Variants in EPHA7 observed in about 807,000 individuals in gnomAD.
EPHA7 encodes the protein EPH receptor A7.
Under a neutral mutation model 112.6 loss-of-function variants are expected in EPHA7, and 25 were observed. The ratio of observed to expected loss-of-function variants is 0.22; its 90% CI spans 0.16 to 0.31. The LOEUF (loss-of-function observed/expected upper bound fraction) is 0.31, where lower values mean the gene tolerates loss of function less well. EPHA7 is among the 10% of genes least tolerant of loss of function. EPHA7 has a pLI of 1.00. For missense variants in EPHA7, 962 were observed against 1,212.6 expected (o/e 0.79, Z 3.07); for synonymous variants, 437 against 406.5 (o/e 1.07, Z -0.90).
At chr6:93,386,997 G>A (rs1052877520) in intron 3 of EPHA7, among the ~76,000 whole-genome samples, 1 of 152,052 alleles carries the variant, frequency 6.6e-6, no homozygotes. Context: ...TGCTGTGAAG[G>A]TCTCTGACAT....
In EPHA7 at chr6:93,264,611, G is replaced by A. The variant is rs1209015685; in HGVS notation, c.1725C>T (p.Gly575=). 7 of 1,604,634 alleles carry A rather than the reference G, an allele frequency of 4.4e-6. No homozygotes were observed. The highest frequency in any genetic ancestry group is 6.0e-6 in the Non-Finnish European group (7 of 1,173,856). Residue 575 remains glycine, a synonymous_variant, in exon 8 of 17, where the codon GGC becomes GGT. Coordinates refer to ENST00000369303, the MANE Select transcript of EPHA7 (RefSeq NM_004440.4). Reference sequence around the variant, plus strand: ...TGTTCTACCTTCTCCCAATGATGAAGCCAAAGACCATGAACACCAAAATGA... The same window carrying A: ...TGTTCTACCTTCTCCCAATGATGAAACCAAAGACCATGAACACCAAAATGA... The part of the protein sequence containing the change: ...GTIILVFMVF[G]FIIGRRHCGY...
rs561575454 is a variant in EPHA7 at position 93,242,918 on chromosome 6, T to C, written c.*508A>G. 243 of 217,300 alleles carry C rather than the reference T, an allele frequency of 1.1e-3. 3 individuals are homozygous for C. The highest frequency in any genetic ancestry group is 5.1e-3 in the African/African-American group (227 of 44,568). 13.5% of individuals were successfully genotyped at this position (217,300 alleles called of 1,614,324 possible). ...GAGATTCTTTCAAAGGTACCCAGTG[T>C]AGTAATGTTACAGATTTAACACTAA... On this transcript the variant is annotated 3_prime_UTR_variant, in exon 17 of 17. Transcript: ENST00000369303.
At position 93,243,277 on chromosome 6, in the gene EPHA7, T is replaced by A. The variant is rs1769762249; in HGVS notation, c.*149A>T. 1.9e-6 allele frequency: 1 copy of A among 513,552 alleles called. No homozygotes were observed. The allele number at this position is 513,552 out of a possible 1,614,324, so 31.8% of individuals were successfully genotyped here. On this transcript the variant is annotated 3_prime_UTR_variant, in exon 17 of 17. Transcript: ENST00000369303. Reference sequence around the variant, plus strand: ...ATATATTCTGGTGGCACTTAGGAGTTCAAGTCTATAGGTGCTTCTTAAATC... The same window carrying A: ...ATATATTCTGGTGGCACTTAGGAGTACAAGTCTATAGGTGCTTCTTAAATC...
chr6:93,245,436 A>C lies in EPHA7; in HGVS notation c.2744T>G (p.Leu915Arg). 6.2e-7 allele frequency: 1 copy of C among 1,612,134 alleles called. No individual in the cohort carries two copies. The highest frequency in any genetic ancestry group is 8.5e-7 in the Non-Finnish European group (1 of 1,179,490). ...GTCSRPISPL[L>R]DQNTPDFTTF... ...AGTGAAATCAGGAGTGTTTTGATCC[A>C]GAAGAGGGCTTATTGGCCTAGATAA... The change falls in exon 16 of 17, where the codon CTG (leucine) becomes CGG (arginine). Residue 915 changes from leucine to arginine, a missense_variant. By Grantham distance (102) the Leu-to-Arg change is moderately radical. Transcript: ENST00000369303.
At chr6:93,326,373 T>G (rs543920577) in intron 5 of EPHA7, among the ~76,000 whole-genome samples, 43 of 151,624 alleles carry the variant, frequency 2.8e-4, no homozygotes, top group African/African-American at 9.9e-4. Flanking sequence ...TAAAGAGTGA[T>G]TTTAAATGAA....
intron 3 of EPHA7, among the ~76,000 whole-genome samples, chr6:93,389,759 TA>T (rs1056149871): frequency 6.6e-6 from 1 of 151,900 alleles, no homozygotes; most frequent in Non-Finnish European, 1.5e-5. Context: ...AAAGTTTTCT[TA>T]AAAAAATGAT....
chr6:93,317,944 T>C (rs1339862625), intron 5 of EPHA7, among the ~76,000 whole-genome samples: 1 of 152,156 alleles, frequency 6.6e-6, no homozygotes, highest in African/African-American at 2.4e-5. Flanking sequence ...ATAACTTTCA[T>C]TCTCACCTCA....
chr6:93,332,509 C>T (rs1361689255), intron 5 of EPHA7, among the ~76,000 whole-genome samples: 2 of 151,178 alleles, frequency 1.3e-5, no homozygotes, highest in South Asian at 2.1e-4. Context: ...TTTTTATATG[C>T]AATTTATAGG....
chr6:93,282,013 A>G (rs189009275), intron 5 of EPHA7, among the ~76,000 whole-genome samples: 8 of 152,152 alleles, frequency 5.3e-5, no homozygotes, highest in Admixed American at 5.2e-4. Flanking sequence ...ATATGTCACT[A>G]TGTGCTTAAG....
At chr6:93,283,471 A>C (rs1404351248) in intron 5 of EPHA7, among the ~76,000 whole-genome samples, 2 of 151,822 alleles carry the variant, frequency 1.3e-5, no homozygotes, top group Non-Finnish European at 2.9e-5. Context: ...GCTGCTGCTC[A>C]CTCTTTTGGG....
intron 3 of EPHA7, among the ~76,000 whole-genome samples, chr6:93,362,197 CT>C (rs1562125544): frequency 6.6e-6 from 1 of 151,822 alleles, no homozygotes; most frequent in Non-Finnish European, 1.5e-5. Flanking sequence ...TTTGCTTAGT[CT>C]GTTCTTTAAA....
chr6:93,384,070 G>A (rs926640723), intron 3 of EPHA7, among the ~76,000 whole-genome samples: 1 of 152,068 alleles, frequency 6.6e-6, no homozygotes, highest in Non-Finnish European at 1.5e-5. Flanking sequence ...AGTAAAATAA[G>A]CACACTCAAA....
At chr6:93,301,280 T>C (rs1444426552) in intron 5 of EPHA7, among the ~76,000 whole-genome samples, 1 of 152,202 alleles carries the variant, frequency 6.6e-6, no homozygotes, top group East Asian at 1.9e-4. Context: ...ATGTAATACT[T>C]TGATACAAGT....
chr6:93,291,437 A>G (rs1772357822), intron 5 of EPHA7, among the ~76,000 whole-genome samples: 1 of 152,212 alleles, frequency 6.6e-6, no homozygotes, highest in African/African-American at 2.4e-5. Flanking sequence ...AAAAGCTGCA[A>G]AATTGATTAA....
intron 2 of EPHA7, among the ~76,000 whole-genome samples, chr6:93,413,475 G>T (rs954874816): frequency 4.6e-5 from 7 of 151,858 alleles, no homozygotes; most frequent in African/African-American, 1.7e-4. Context: ...TAGAAAATGG[G>T]CTACATCTGT....
chr6:93,394,566 T>C (rs568169017), intron 3 of EPHA7, among the ~76,000 whole-genome samples: 1 of 151,838 alleles, frequency 6.6e-6, no homozygotes, highest in East Asian at 1.9e-4. Context: ...TAGATACTTG[T>C]CAAAAAAGAA....
At position 93,356,817 on chromosome 6, in the gene EPHA7, G is replaced by C. The variant is rs145928664; in HGVS notation, c.1224C>G (p.His408Gln). 6.2e-7 allele frequency: 1 copy of C among 1,614,134 alleles called. No homozygotes were observed. The highest frequency in any genetic ancestry group is 1.7e-5 in the Admixed American group (1 of 60,012). Residue 408 changes from histidine to glutamine, a missense_variant, in exon 5 of 17, where the codon CAC (histidine) becomes CAG (glutamine). Coordinates refer to ENST00000369303, the MANE Select transcript of EPHA7 (RefSeq NM_004440.4). ...CTTCAACTTCAAAAGTATAATTAGC[G>C]TGGGCTAGCAGGTCCATGACAGTGA... ...NYVTVMDLLA[H>Q]ANYTFEVEAV...
Position 93,308,301 on chromosome 6 carries a change from C to A in EPHA7, c.1325-35879G>T, listed in dbSNP as rs1215157415. Among the ~76,000 whole-genome samples the A allele has an allele frequency of 2.0e-5, 3 of 152,088 alleles. No homozygotes were observed. In the South Asian group the frequency reaches 6.2e-4, roughly 32 times the overall value. The stretch of plus-strand genomic sequence containing the variant: ...ATTGGAGTACACAGGCTTTTCAACA[C>A]CTGCTCTGGCTACTGTAGAATAGAT... On this transcript the variant is annotated intron_variant, in intron 5 of 16. Coordinates refer to ENST00000369303, the MANE Select transcript of EPHA7 (RefSeq NM_004440.4).
At chr6:93,285,662 C>G (rs188644236) in intron 5 of EPHA7, among the ~76,000 whole-genome samples, 1 of 152,000 alleles carries the variant, frequency 6.6e-6, no homozygotes, top group Non-Finnish European at 1.5e-5. Flanking sequence ...CCTGAATTCT[C>G]CCCATATTCT....
Sources: gnomAD v4.1 joint callset for allele counts (sites outside exome capture counted in the v4.1 genomes callset) on GRCh38, gnomAD v4.1.1 for gene constraint, MANE v1.5 for transcripts, NCBI Gene and HGNC (gene_info 2026-07-23, HGNC 2026-07-21) for gene names.